The following SYT1 variants were observed in gnomAD, a reference collection of about 807,000 sequenced individuals.
SYT1 encodes synaptotagmin-1.
In SYT1, 8 loss-of-function variants were observed where a neutral mutation model predicts 44.8. That is an observed-to-expected ratio of 0.18 (90% CI 0.10 to 0.32). The LOEUF (loss-of-function observed/expected upper bound fraction) is 0.32. Ranked by LOEUF, SYT1 falls within the 10% of genes least tolerant of loss-of-function variation. SYT1 has a pLI of 1.00. For synonymous variants in SYT1, 154 were observed against 188.8 expected, an observed-to-expected ratio of 0.82 and a Z score of 1.51; for missense variants, 286 against 509.3, an observed-to-expected ratio of 0.56 and a Z score of 4.22.
At chr12:78,929,951 T>A (rs1028979719) in intron 1 of SYT1, among the ~76,000 whole-genome samples, 1 of 152,128 alleles carries the variant, frequency 6.6e-6, no homozygotes, top group Non-Finnish European at 1.5e-5. Context: ...AGAAAGCTCA[T>A]GTTTCTGTGA....
At chr12:79,356,133 C>T (rs899998362) in intron 9 of SYT1, among the ~76,000 whole-genome samples, 2 of 150,448 alleles carry the variant, frequency 1.3e-5, no homozygotes, top group Admixed American at 1.3e-4. Flanking sequence ...AGAACAACCA[C>T]GGGGCTTCTG....
chr12:79,318,275 CCCGTACT>C (rs1378665380), intron 8 of SYT1, among the ~76,000 whole-genome samples: 1 of 152,094 alleles, frequency 6.6e-6, no homozygotes, highest in African/African-American at 2.4e-5. Flanking sequence ...CACCGGGTGA[CCCGTACT>C]CTCTTCTAAA....
chr12:79,074,673 A>G lies in SYT1; in HGVS notation c.-18+27311A>G, dbSNP rs929760947. ...TCAGCCTCTCAGACTCCTATTCTTGACTTTCCCCTCGACCTGTACCCTGCT... is the reference window on the plus strand; with the variant it reads ...TCAGCCTCTCAGACTCCTATTCTTGGCTTTCCCCTCGACCTGTACCCTGCT... On this transcript the variant is annotated intron_variant, in intron 3 of 10. Coordinates refer to ENST00000261205, the MANE Select transcript of SYT1 (RefSeq NM_005639.3). Among the ~76,000 whole-genome samples the G allele has an allele frequency of 5.9e-5, 9 of 152,166 alleles. No homozygotes were observed. In the East Asian group the frequency reaches 1.7e-3, roughly 29 times the overall value.
In SYT1 at chr12:79,327,865, G is replaced by A. The variant is rs117271513; in HGVS notation, c.811-25637G>A. 9.2e-5 allele frequency among the ~76,000 whole-genome samples: 14 copies of A among 152,200 alleles called. No homozygotes were observed. The East Asian group carries it at 2.7e-3, about 29-fold the overall frequency. On this transcript the variant is annotated intron_variant, in intron 8 of 10. Coordinates refer to ENST00000261205, the MANE Select transcript of SYT1 (RefSeq NM_005639.3). ...AAGAAGAGGAAGCAGGGAAAGCATTGGAACATGTAAAGAACAAGATGTCCA... is the reference window on the plus strand; with the variant it reads ...AAGAAGAGGAAGCAGGGAAAGCATTAGAACATGTAAAGAACAAGATGTCCA...
At chr12:78,924,137 A>T (rs773451978) in intron 1 of SYT1, among the ~76,000 whole-genome samples, 1 of 151,908 alleles carries the variant, frequency 6.6e-6, no homozygotes, top group Non-Finnish European at 1.5e-5. Flanking sequence ...TGGTGGCAAT[A>T]CCACAGAAGT....
chr12:79,116,235 A>T (rs1447197878), intron 3 of SYT1, among the ~76,000 whole-genome samples: 1 of 152,156 alleles, frequency 6.6e-6, no homozygotes, highest in African/African-American at 2.4e-5. Context: ...ACTATGGCTG[A>T]TATTTTTGTT....
chr12:79,178,937 G>GATATAGATATAGATATAGATATATCT (rs1565840807), intron 3 of SYT1, among the ~76,000 whole-genome samples: 1 of 39,160 alleles, frequency 2.6e-5, no homozygotes, highest in East Asian at 5.6e-4. Context: ...TATCTATATA[G>GATATAGATATAGATATAGATATATCT]ATATAGATAT....
intron 4 of SYT1, among the ~76,000 whole-genome samples, chr12:79,276,970 GGAA>G (rs912786285): frequency 7.2e-6 from 1 of 138,514 alleles, no homozygotes; most frequent in Non-Finnish European, 1.6e-5. Flanking sequence ...AGGAGGAGGA[GGAA>G]GAGGAGGAGG....
intron 8 of SYT1, among the ~76,000 whole-genome samples, chr12:79,325,662 A>G (rs1301544404): frequency 6.6e-6 from 1 of 152,206 alleles, no homozygotes; most frequent in East Asian, 1.9e-4. Flanking sequence ...CTGATTTAGT[A>G]TGGCTACAGA....
intron 2 of SYT1, among the ~76,000 whole-genome samples, chr12:79,041,519 T>TTTGGGCTGAGACAATGGGGTTTTC (rs1565776861): frequency 6.6e-6 from 1 of 152,114 alleles, no homozygotes; most frequent in Non-Finnish European, 1.5e-5. Flanking sequence ...TTAAGGAGAT[T>TTTGGGCTGAGACAATGGGGTTTTC]TTGGGCTGAG....
chr12:79,439,244 C>CT (rs1246498472), intron 9 of SYT1, among the ~76,000 whole-genome samples: 1 of 152,128 alleles, frequency 6.6e-6, no homozygotes, highest in African/African-American at 2.4e-5. Flanking sequence ...ACCTGGAACT[C>CT]TGAGTTTAAC....
At chr12:79,016,027 T>C (rs945854381) in intron 2 of SYT1, among the ~76,000 whole-genome samples, 8 of 152,168 alleles carry the variant, frequency 5.3e-5, no homozygotes, top group Non-Finnish European at 7.4e-5. Context: ...TCAAGATTAA[T>C]AAGGTCAGAT....
At chr12:79,036,702 C>G (rs1873157935) in intron 2 of SYT1, 1 of 151,808 alleles carries the variant, frequency 6.6e-6, no homozygotes, top group Non-Finnish European at 1.5e-5. Context: ...ATTAAAGCCC[C>G]TTTCAGTGGT....
chr12:79,028,257 T>C (rs1872644484), intron 2 of SYT1, among the ~76,000 whole-genome samples: 1 of 151,486 alleles, frequency 6.6e-6, no homozygotes, highest in Non-Finnish European at 1.5e-5. Context: ...CCTTATCAGA[T>C]ATTTCTTCAC....
chr12:79,217,764 C>G, intron 4 of SYT1, 79 bp downstream of exon 4: 1 of 1,146,270 alleles, frequency 8.7e-7, no homozygotes, highest in Non-Finnish European at 1.2e-6. Flanking sequence ...AGTAGAACTC[C>G]GTTTGATATA....
intron 2 of SYT1, among the ~76,000 whole-genome samples, chr12:79,017,817 G>A (rs1461671166): frequency 1.3e-5 from 2 of 152,046 alleles, no homozygotes; most frequent in Non-Finnish European, 2.9e-5. Flanking sequence ...TAAATAGATA[G>A]AAAGAGTAAC....
chr12:79,184,508 C>G (rs938485505), intron 3 of SYT1, among the ~76,000 whole-genome samples: 2 of 151,830 alleles, frequency 1.3e-5, no homozygotes, highest in Non-Finnish European at 2.9e-5. Context: ...TGACCATCAG[C>G]AAGCCACCCA....
intron 4 of SYT1, among the ~76,000 whole-genome samples, chr12:79,276,921 A>G (rs1418469790): frequency 6.7e-6 from 1 of 149,854 alleles, no homozygotes; most frequent in Non-Finnish European, 1.5e-5. Flanking sequence ...AGAAGGAAAA[A>G]TGATGAAGGA....
intron 4 of SYT1, among the ~76,000 whole-genome samples, chr12:79,234,016 A>G (rs1876027802): frequency 6.6e-6 from 1 of 152,116 alleles, no homozygotes; most frequent in African/African-American, 2.4e-5. Flanking sequence ...CACACAATGT[A>G]TCTTACTGTT....
Sources: gnomAD v4.1 joint callset for allele counts (sites outside exome capture counted in the v4.1 genomes callset) on GRCh38, gnomAD v4.1.1 for gene constraint, MANE v1.5 for transcripts, NCBI Gene and HGNC (gene_info 2026-07-23, HGNC 2026-07-21) for gene names.